LMNTD1: variants seen among roughly 807,000 people sequenced by gnomAD.
LMNTD1 encodes the protein lamin tail domain-containing protein 1.
A neutral mutation model predicts 50.9 loss-of-function variants in LMNTD1; 35 were observed. The ratio of observed to expected loss-of-function variants is 0.69; its 90% confidence interval spans 0.53 to 0.91. The LOEUF is 0.91. LMNTD1 is among the 40% of genes least tolerant of loss of function. LMNTD1 has a pLI of 0.00. For missense variants in LMNTD1, 470 were observed against 475.5 expected (o/e 0.99, Z 0.11); for synonymous variants, 153 against 161.9 (o/e 0.94, Z 0.42).
At chr12:25,555,965 CTTTTTTTTTT>C (rs71065954), upstream of LMNTD1, among the ~76,000 whole-genome samples, 2 of 69,470 alleles carry the variant, frequency 2.9e-5, no homozygotes, top group African/African-American at 1.0e-4. Flanking sequence ...GTGCAATAAT[CTTTTTTTTTT>C]TTTTTTTTTT....
At chr12:25,478,748 T>G (rs1203391403) in intron 9 of LMNTD1, among the ~76,000 whole-genome samples, 1 of 152,154 alleles carries the variant, frequency 6.6e-6, no homozygotes, top group Non-Finnish European at 1.5e-5. Flanking sequence ...ACTGTGCCAT[T>G]GCACTCCAGT....
chr12:25,492,387 A>T (rs1475275858), intron 9 of LMNTD1, among the ~76,000 whole-genome samples: 1 of 152,216 alleles, frequency 6.6e-6, no homozygotes, highest in African/African-American at 2.4e-5. Context: ...TAATTTATTA[A>T]TTAGGGATCA....
chr12:25,529,409 G>C (rs1317379172), intron 4 of LMNTD1, among the ~76,000 whole-genome samples: 1 of 151,628 alleles, frequency 6.6e-6, no homozygotes, highest in Non-Finnish European at 1.5e-5. Flanking sequence ...ATCTCAAAAG[G>C]TACCCCTGAA....
chr12:25,505,138 G>A (rs1175272008), intron 8 of LMNTD1, among the ~76,000 whole-genome samples: 2 of 152,138 alleles, frequency 1.3e-5, no homozygotes, highest in African/African-American at 4.8e-5. Context: ...TGACAGGACT[G>A]TCAGTAGTGG....
In LMNTD1 at chr12:25,646,126, A is replaced by T. The variant is rs1947064763; in HGVS notation, c.58+2368T>A. 2.0e-5 allele frequency among the ~76,000 whole-genome samples: 3 copies of T among 152,080 alleles called. No individual in the cohort carries two copies. The South Asian group carries it at 6.3e-4, about 32-fold the overall frequency. Reference sequence around the variant, plus strand: ...AAATAAAATCACAATACCTGGGTTAATTTTTTTTAAATAAATAGTAAACCC... The same window carrying T: ...AAATAAAATCACAATACCTGGGTTATTTTTTTTTAAATAAATAGTAAACCC... On this transcript the variant is annotated intron_variant, in intron 1 of 7. Coordinates refer to the LMNTD1 transcript ENST00000445693.
chr12:25,583,014 ATTTT>A (rs34107463), intron 1 of LMNTD1, among the ~76,000 whole-genome samples: 2 of 135,428 alleles, frequency 1.5e-5, no homozygotes. Flanking sequence ...TGCCTGGATA[ATTTT>A]TTTTTTTTTT....
intron 1 of LMNTD1, among the ~76,000 whole-genome samples, chr12:25,577,149 G>T (rs1246109584): frequency 3.3e-5 from 5 of 152,120 alleles, no homozygotes; most frequent in East Asian, 1.9e-4. Flanking sequence ...TTGTTCTTTT[G>T]GCTTAGGATT....
At position 25,503,799 on chromosome 12, in the gene LMNTD1, C is replaced by A. The variant is rs374716033; in HGVS notation, c.1191G>T (p.Gly397=). Residue 397 remains glycine, a splice_region_variant and synonymous_variant, in exon 9 of 10, where the codon GGG becomes GGT. Coordinates refer to ENST00000458174, the MANE Select transcript of LMNTD1 (RefSeq NM_001145728.2). ...ACTCAGATGTCTTCTTTTTCTTAGA[C>A]CCTGAAAATTAAAAAAAATAATTAA... ...TRSTRPNRAS[G]SKKKKTSESQ... is the part of the protein sequence containing the mutation. The A allele has an allele frequency of 7.7e-6, 12 of 1,560,018 alleles. No homozygotes were observed. The African/African-American group carries it at 1.2e-4, about 16-fold the overall frequency.
intron 9 of LMNTD1, among the ~76,000 whole-genome samples, chr12:25,493,830 T>C (rs1162036859): frequency 6.6e-6 from 1 of 152,156 alleles, no homozygotes; most frequent in Non-Finnish European, 1.5e-5. Context: ...ATAGAACATG[T>C]CTGAGGGATG....
chr12:25,533,528 A>T (rs78262121), intron 4 of LMNTD1, among the ~76,000 whole-genome samples: 301 of 152,246 alleles, frequency 2.0e-3, no homozygotes, highest in African/African-American at 6.8e-3. Context: ...GGTTTGCTAA[A>T]ATTATCTTTG....
At chr12:25,606,069 CTAGG>C (rs1352431699) in intron 1 of LMNTD1, among the ~76,000 whole-genome samples, 1 of 152,040 alleles carries the variant, frequency 6.6e-6, no homozygotes, top group Non-Finnish European at 1.5e-5. Flanking sequence ...AGTTGGATTC[CTAGG>C]TATTTTATTC....
At chr12:25,548,037 G>A (rs888478858) in intron 3 of LMNTD1, among the ~76,000 whole-genome samples, 2 of 151,712 alleles carry the variant, frequency 1.3e-5, no homozygotes, top group Non-Finnish European at 3.0e-5. Context: ...ATATAATGAT[G>A]AATGATAGAA....
chr12:25,529,050 G>A (rs888396431), intron 4 of LMNTD1, among the ~76,000 whole-genome samples: 12 of 152,068 alleles, frequency 7.9e-5, no homozygotes, highest in Non-Finnish European at 1.0e-4. Context: ...CTTCACAATC[G>A]GTAAATTGAG....
chr12:25,623,786 A>G (rs1209549196), intron 1 of LMNTD1, among the ~76,000 whole-genome samples: 1 of 151,986 alleles, frequency 6.6e-6, no homozygotes, highest in Non-Finnish European at 1.5e-5. Context: ...ACCCCTGGAC[A>G]TGCCTTCCTG....
intron 1 of LMNTD1, among the ~76,000 whole-genome samples, chr12:25,599,283 A>T (rs1035837911): frequency 2.0e-5 from 3 of 152,050 alleles, no homozygotes; most frequent in Non-Finnish European, 4.4e-5. Flanking sequence ...ACCCTAAAAA[A>T]GCTGAGTACA....
chr12:25,623,986 T>A (rs1386879365), intron 1 of LMNTD1, among the ~76,000 whole-genome samples: 6 of 152,152 alleles, frequency 3.9e-5, no homozygotes, highest in Admixed American at 3.3e-4. Context: ...GAATTCATCA[T>A]CCCTTGAGTA....
In LMNTD1 at chr12:25,549,308, G is replaced by C. The variant is rs544482469; in HGVS notation, c.310+18C>G. On this transcript the variant is annotated intron_variant, in intron 3 of 9. Transcript: ENST00000458174. ...CTTTAAAAGTACTCTAAAAATATGGGTTCCATATTTTGCTTACCCAAGCTG... is the reference window on the plus strand; with the variant it reads ...CTTTAAAAGTACTCTAAAAATATGGCTTCCATATTTTGCTTACCCAAGCTG... 41 of 1,392,582 alleles carry C rather than the reference G, an allele frequency of 2.9e-5. No individual in the cohort carries two copies. Among genetic ancestry groups the C allele is most frequent in the Non-Finnish European group, 4.0e-5 (40 of 988,544 alleles). The allele number at this position is 1,392,582 out of a possible 1,614,324, so 86.3% of individuals were successfully genotyped here.
chr12:25,612,760 T>C (rs1946276594), intron 1 of LMNTD1, among the ~76,000 whole-genome samples: 1 of 152,132 alleles, frequency 6.6e-6, no homozygotes, highest in African/African-American at 2.4e-5. Context: ...GGCTACCATA[T>C]GTGATAGGTT....
chr12:25,611,314 C>T (rs1332153359), intron 1 of LMNTD1, among the ~76,000 whole-genome samples: 1 of 152,168 alleles, frequency 6.6e-6, no homozygotes, highest in Non-Finnish European at 1.5e-5. Flanking sequence ...AAAAACATTA[C>T]TAATCAGTGC....
Sources: gnomAD v4.1 joint callset for allele counts (sites outside exome capture counted in the v4.1 genomes callset) on GRCh38, gnomAD v4.1.1 for gene constraint, MANE v1.5 for transcripts, NCBI Gene and HGNC (gene_info 2026-07-23, HGNC 2026-07-21) for gene names.